The following ALK variants were observed in gnomAD, a reference collection of about 807,000 sequenced individuals.
The protein encoded by ALK is ALK receptor tyrosine kinase.
Under a neutral mutation model 163.1 loss-of-function variants are expected in ALK, and 74 were observed. The observed-to-expected ratio is 0.45, with a 90% CI of 0.38 to 0.55. The LOEUF is 0.55. Ranked by LOEUF, ALK falls within the 20% of genes least tolerant of loss-of-function variation. ALK has a pLI of 0.00. For missense variants in ALK, 2,063 were observed against 2,105.3 expected (o/e 0.98, Z 0.39); for synonymous variants, 960 against 843.2 (o/e 1.14, Z -2.40).
chr2:29,886,205 T>C (rs1157782257), intron 1 of ALK, among the ~76,000 whole-genome samples: 2 of 152,230 alleles, frequency 1.3e-5, no homozygotes, highest in Non-Finnish European at 2.9e-5. Context: ...ATACACATAA[T>C]ATGCAAAGTA....
At chr2:29,210,424 A>G (rs77931973) in intron 24 of ALK, among the ~76,000 whole-genome samples, 2,806 of 152,152 alleles carry the variant, frequency 0.018, 89 homozygotes, top group African/African-American at 0.064. Context: ...GATATTCACA[A>G]ATATTTCTAG....
At chr2:29,689,379 A>C (rs901236292) in intron 3 of ALK, among the ~76,000 whole-genome samples, 4 of 152,222 alleles carry the variant, frequency 2.6e-5, no homozygotes, top group African/African-American at 9.6e-5. Context: ...CAAAGTCTGC[A>C]CTTGCAGTTC....
At chr2:29,663,670 T>C (rs1677420213) in intron 3 of ALK, among the ~76,000 whole-genome samples, 2 of 152,282 alleles carry the variant, frequency 1.3e-5, no homozygotes, top group South Asian at 4.1e-4. Context: ...GGCAATATTT[T>C]CAACTAGTTT....
intron 1 of ALK, among the ~76,000 whole-genome samples, chr2:29,841,727 A>C (rs1383786994): frequency 6.6e-6 from 1 of 152,216 alleles, no homozygotes; most frequent in Non-Finnish European, 1.5e-5. Context: ...AACGGGCAGA[A>C]TTGACAATGA....
Position 29,823,639 on chromosome 2 carries a change from A to G in ALK, c.667+96354T>C, listed in dbSNP as rs147046117. ...ATTGGTGGCATTTTGCCCCTGGTCCAGAGATTTGTGGAACTTTGAACTTGA... is the reference window on the plus strand; with the variant it reads ...ATTGGTGGCATTTTGCCCCTGGTCCGGAGATTTGTGGAACTTTGAACTTGA... On this transcript the variant is annotated intron_variant, in intron 1 of 28. Transcript: ENST00000389048. Among the ~76,000 whole-genome samples, 344 of 152,326 alleles carry G rather than the reference A, an allele frequency of 2.3e-3. 1 individual carries two copies. The highest frequency in any genetic ancestry group is 6.8e-3 in the Middle Eastern group (2 of 294).
At chr2:29,564,381 TA>T (rs1214026825) in intron 3 of ALK, among the ~76,000 whole-genome samples, 2 of 152,092 alleles carry the variant, frequency 1.3e-5, no homozygotes, top group East Asian at 3.8e-4. Context: ...GATCTTCCAA[TA>T]AAAATGAGTG....
intron 4 of ALK, among the ~76,000 whole-genome samples, chr2:29,425,046 G>A (rs1558318436): frequency 6.6e-6 from 1 of 152,146 alleles, no homozygotes; most frequent in South Asian, 2.1e-4. Flanking sequence ...TTGAATGGGG[G>A]AATGAGGAGC....
intron 1 of ALK, among the ~76,000 whole-genome samples, chr2:29,735,956 A>G (rs1055555414): frequency 6.6e-6 from 1 of 152,018 alleles, no homozygotes; most frequent in African/African-American, 2.4e-5. Flanking sequence ...AAAACCTTGT[A>G]AGTTAGAGAT....
intron 3 of ALK, among the ~76,000 whole-genome samples, chr2:29,600,306 T>G (rs58101143): frequency 0.019 from 2,894 of 152,234 alleles, 76 homozygotes; most frequent in African/African-American, 0.055. Context: ...ACAGAGCTGA[T>G]AGAGTAACAT....
intron 14 of ALK, among the ~76,000 whole-genome samples, chr2:29,232,982 C>T (rs978934640): frequency 1.3e-5 from 2 of 152,194 alleles, no homozygotes; most frequent in Non-Finnish European, 2.9e-5. Context: ...GGGCAGAGAG[C>T]TGGTCCAGGA....
intron 1 of ALK, among the ~76,000 whole-genome samples, chr2:29,900,506 C>A (rs1667383592): frequency 6.6e-6 from 1 of 152,218 alleles, no homozygotes; most frequent in African/African-American, 2.4e-5. Flanking sequence ...CGTAAGCACA[C>A]TCATTTTTAT....
At chr2:29,801,594 C>T (rs1338923332) in intron 1 of ALK, among the ~76,000 whole-genome samples, 2 of 152,186 alleles carry the variant, frequency 1.3e-5, no homozygotes, top group African/African-American at 4.8e-5. Flanking sequence ...GGCCTCTATT[C>T]CTTGGTTTTG....
intron 4 of ALK, among the ~76,000 whole-genome samples, chr2:29,474,916 G>A (rs1013176553): frequency 5.9e-5 from 9 of 152,116 alleles, no homozygotes; most frequent in African/African-American, 2.2e-4. Context: ...TGCTGGACGG[G>A]GCCTGGCTGC....
intron 1 of ALK, among the ~76,000 whole-genome samples, chr2:29,908,523 T>C (rs1385492335): frequency 6.6e-6 from 1 of 152,236 alleles, no homozygotes; most frequent in Non-Finnish European, 1.5e-5. Flanking sequence ...TATTTTTTAC[T>C]CACTTCTATC....
chr2:29,290,553 G>A (rs1573197915), intron 9 of ALK, among the ~76,000 whole-genome samples: 1 of 152,222 alleles, frequency 6.6e-6, no homozygotes, highest in Non-Finnish European at 1.5e-5. Flanking sequence ...GCACCCCTGG[G>A]CCATGTGCTC....
chr2:29,363,090 G>A (rs1006276292), intron 5 of ALK, among the ~76,000 whole-genome samples: 2 of 152,036 alleles, frequency 1.3e-5, no homozygotes. Flanking sequence ...CTTTGTACTT[G>A]CCTCTTCCTC....
chr2:29,720,887 A>C (rs1430254668), intron 1 of ALK, among the ~76,000 whole-genome samples: 1 of 152,100 alleles, frequency 6.6e-6, no homozygotes, highest in Non-Finnish European at 1.5e-5. Flanking sequence ...ATCCAGAGTG[A>C]AATGGGCCTC....
intron 1 of ALK, among the ~76,000 whole-genome samples, chr2:29,909,133 G>C (rs934353979): frequency 6.6e-6 from 1 of 152,130 alleles, no homozygotes; most frequent in Admixed American, 6.5e-5. Context: ...ATAGGCTCCT[G>C]GCCATGATAC....
At chr2:29,725,110 G>A (rs907380732) in intron 1 of ALK, among the ~76,000 whole-genome samples, 3 of 125,638 alleles carry the variant, frequency 2.4e-5, no homozygotes, top group Non-Finnish European at 4.7e-5. Context: ...TGTTAGCATG[G>A]TGCCTACCCT....
Sources: allele counts gnomAD v4.1 joint callset (sites outside exome capture counted in the v4.1 genomes callset), GRCh38; gene constraint gnomAD v4.1.1; transcripts MANE v1.5; gene names NCBI Gene and HGNC (gene_info 2026-07-23, HGNC 2026-07-21).